RNF6: variants seen among roughly 807,000 people sequenced by gnomAD.
RNF6 encodes E3 ubiquitin-protein ligase RNF6.
A neutral mutation model predicts 50.1 loss-of-function variants in RNF6; 21 were observed. The ratio of observed to expected loss-of-function variants is 0.42; its 90% CI spans 0.30 to 0.60. The LOEUF (loss-of-function observed/expected upper bound fraction) is 0.60. RNF6 is among the 20% of genes least tolerant of loss of function. RNF6 has a pLI of 0.20. For missense variants in RNF6, 698 were observed against 838.2 expected (o/e 0.83, Z 2.07); for synonymous variants, 255 against 291.8 (o/e 0.87, Z 1.29).
At chr13:26,174,922 C>T (rs913364665) in intron 5 of RNF6, among the ~76,000 whole-genome samples, 3 of 152,116 alleles carry the variant, frequency 2.0e-5, no homozygotes, top group Admixed American at 6.6e-5. Context: ...CTAACGGCCT[C>T]GGTTGAACTT....
chr13:26,132,452 C>T (rs748691300), intron 5 of RNF6: 3 of 459,078 alleles, frequency 6.5e-6, no homozygotes, highest in South Asian at 4.7e-5. Flanking sequence ...CTGGCAAAGC[C>T]TACAAAATAA....
intron 5 of RNF6, among the ~76,000 whole-genome samples, chr13:26,134,705 T>C (rs1394755735): frequency 6.6e-6 from 1 of 152,150 alleles, no homozygotes; most frequent in Non-Finnish European, 1.5e-5. Flanking sequence ...AAGTTGTTTG[T>C]TGTTCTTAGC....
chr13:26,156,984 A>T (rs531571356), intron 5 of RNF6, among the ~76,000 whole-genome samples: 195 of 152,324 alleles, frequency 1.3e-3, no homozygotes, highest in Admixed American at 2.5e-3. Context: ...TTTACACCAA[A>T]ATAAGTTCCA....
rs1159760193 is a variant in RNF6 at position 26,135,610 on chromosome 13, A to C, written n.769-3159T>G. ...TGAGGTTGACTAGAAAAATAAAATA[A>C]ATGATATTGAATTACTATCTCTTCA... On this transcript the variant is annotated intron_variant and non_coding_transcript_variant, in intron 5 of 5. Transcript: ENST00000468480. 3 of 152,206 alleles carry C rather than the reference A, an allele frequency of 2.0e-5. No homozygotes were observed. The East Asian group carries it at 5.8e-4, about 29-fold the overall frequency. 9.4% of individuals were successfully genotyped at this position (152,206 alleles called of 1,614,324 possible).
intron 5 of RNF6, among the ~76,000 whole-genome samples, chr13:26,186,933 A>T (rs1873578494): frequency 6.6e-6 from 1 of 151,774 alleles, no homozygotes; most frequent in South Asian, 2.1e-4. Flanking sequence ...GCCCGCCACC[A>T]CGCCCGGCTA....
At chr13:26,153,920 A>G (rs1871768410) in intron 5 of RNF6, among the ~76,000 whole-genome samples, 2 of 152,190 alleles carry the variant, frequency 1.3e-5, no homozygotes. Flanking sequence ...AATGACTTAA[A>G]TACTGTAAGA....
rs1871287868 is a variant in RNF6 at position 26,147,063 on chromosome 13, C to G, written n.769-14612G>C. Among the ~76,000 whole-genome samples the G allele has an allele frequency of 2.0e-5, 3 of 152,178 alleles. 1 individual carries two copies. In the South Asian group the frequency reaches 6.2e-4, roughly 32 times the overall value. ...CCCAGTCTCAGATATGTCTTTACAC[C>G]AATGTGAGAATGGACTAATACAGGG... On this transcript the variant is annotated intron_variant and non_coding_transcript_variant, in intron 5 of 5. Coordinates refer to the RNF6 transcript ENST00000468480.
chr13:26,195,977 A>G lies in RNF6; in HGVS notation n.768+19497T>C, dbSNP rs150726039. ...ATGGAAAAATTTCAAACAGACTGAC[A>G]TACATATAGTAGGAGACCCAAAAGA... On this transcript the variant is annotated intron_variant and non_coding_transcript_variant, in intron 5 of 5. Transcript: ENST00000468480. 4.2e-4 allele frequency among the ~76,000 whole-genome samples: 64 copies of G among 152,356 alleles called. 1 individual carries two copies. Among genetic ancestry groups the G allele is most frequent in the East Asian group, 3.5e-3 (18 of 5,190 alleles).
Position 26,213,885 on chromosome 13 carries a change from T to G in RNF6, c.1997A>C (p.Asn666Thr). 2 of 1,614,148 alleles carry G rather than the reference T, an allele frequency of 1.2e-6. No homozygotes were observed. Among genetic ancestry groups the G allele is most frequent in the Non-Finnish European group, 1.7e-6 (2 of 1,180,022 alleles). ...CTGCCGACAGATCGGACAAGTGCAATTCTCTGAGAGCCATCGGTCAATACA... is the reference window on the plus strand; with the variant it reads ...CTGCCGACAGATCGGACAAGTGCAAGTCTCTGAGAGCCATCGGTCAATACA... ...IHCIDRWLSE[N>T]CTCPICRQPV... The change falls in exon 5 of 5, where the codon AAT (asparagine) becomes ACT (threonine). Residue 666 changes from asparagine to threonine, a missense_variant. By Grantham distance (65) the Asn-to-Thr change is moderately conservative. Coordinates refer to ENST00000381588, the MANE Select transcript of RNF6 (RefSeq NM_005977.4).
chr13:26,175,620 A>C (rs977858472), intron 5 of RNF6, among the ~76,000 whole-genome samples: 1 of 152,142 alleles, frequency 6.6e-6, no homozygotes, highest in Non-Finnish European at 1.5e-5. Flanking sequence ...TTGCAGAGGC[A>C]CCGTGGTGCA....
At chr13:26,132,754 A>G (rs1427187974) in intron 5 of RNF6, among the ~76,000 whole-genome samples, 2 of 152,256 alleles carry the variant, frequency 1.3e-5, no homozygotes, top group Non-Finnish European at 2.9e-5. Context: ...AACATTTGAT[A>G]CATTTATGTA....
chr13:26,174,204 A>G (rs1489191678), intron 5 of RNF6, among the ~76,000 whole-genome samples: 1 of 152,044 alleles, frequency 6.6e-6, no homozygotes, highest in Non-Finnish European at 1.5e-5. Flanking sequence ...CAGGCCACTG[A>G]TTTCATCCTC....
chr13:26,182,518 A>T (rs963397276), intron 5 of RNF6, among the ~76,000 whole-genome samples: 2 of 152,224 alleles, frequency 1.3e-5, no homozygotes, highest in Non-Finnish European at 2.9e-5. Flanking sequence ...TTTGTAATTA[A>T]CAAAGAATCT....
intron 5 of RNF6, among the ~76,000 whole-genome samples, chr13:26,171,207 T>G (rs1435052055): frequency 6.6e-6 from 1 of 151,976 alleles, no homozygotes; most frequent in Middle Eastern, 3.2e-3. Flanking sequence ...AGCTAAACAA[T>G]CCAATTCAAA....
In RNF6 at chr13:26,134,397, G is replaced by A. The variant is rs141128340; in HGVS notation, n.769-1946C>T. ...CGTGAGGCCACATTTTTACTATGGT[G>A]TCAACATTTTGTCTTGTTAAGTTGC... On this transcript the variant is annotated intron_variant and non_coding_transcript_variant, in intron 5 of 5. Transcript: ENST00000468480. 2.0e-3 allele frequency among the ~76,000 whole-genome samples: 310 copies of A among 152,350 alleles called. 1 individual carries two copies. The highest frequency in any genetic ancestry group is 3.5e-3 in the Non-Finnish European group (241 of 68,038).
intron 5 of RNF6, among the ~76,000 whole-genome samples, chr13:26,178,950 G>A (rs1048604679): frequency 3.9e-5 from 6 of 152,060 alleles, no homozygotes; most frequent in South Asian, 2.1e-4. Flanking sequence ...CCATGTTGTC[G>A]CAAAGGACAA....
At chr13:26,175,797 A>T (rs897459554) in intron 5 of RNF6, among the ~76,000 whole-genome samples, 1 of 152,194 alleles carries the variant, frequency 6.6e-6, no homozygotes, top group Non-Finnish European at 1.5e-5. Flanking sequence ...AAGATGCAAG[A>T]CAATTTCCGA....
rs893860449 is a variant in RNF6 at position 26,132,260 on chromosome 13, A to C, written n.960T>G. ...TAAAATGTAATCAGTTGACAAAACA[A>C]ATGTTGTCATATTCTATGTTCCATA... On this transcript the variant is annotated non_coding_transcript_exon_variant, in exon 6 of 6. Coordinates refer to the RNF6 transcript ENST00000468480. 12 of 297,478 alleles carry C rather than the reference A, an allele frequency of 4.0e-5. 1 individual carries two copies. The Admixed American group carries it at 4.9e-4, about 12-fold the overall frequency. 18.4% of individuals were successfully genotyped at this position (297,478 alleles called of 1,614,324 possible). A position where few individuals can be genotyped will look rare whatever the true frequency, so the allele number is the denominator to read the frequency against.
chr13:26,187,652 A>G (rs919548539), intron 5 of RNF6, among the ~76,000 whole-genome samples: 1 of 152,196 alleles, frequency 6.6e-6, no homozygotes, highest in Non-Finnish European at 1.5e-5. Context: ...ATCAGTGGCA[A>G]AGTCAGGATT....
Sources: gnomAD v4.1 joint callset for allele counts (sites outside exome capture counted in the v4.1 genomes callset) on GRCh38, gnomAD v4.1.1 for gene constraint, MANE v1.5 for transcripts, NCBI Gene and HGNC (gene_info 2026-07-23, HGNC 2026-07-21) for gene names.